NAT10: variants seen among roughly 807,000 people sequenced by gnomAD.
The protein encoded by NAT10 is RNA cytidine acetyltransferase.
NAT10 carries 109 observed loss-of-function variants against 132.2 expected under a neutral mutation model. That is an observed-to-expected ratio of 0.82 (90% CI 0.71 to 0.97). The LOEUF (loss-of-function observed/expected upper bound fraction) is 0.97, where lower values mean the gene tolerates loss of function less well. NAT10 is among the 50% of genes least tolerant of loss of function. NAT10 has a pLI of 0.00. For synonymous variants in NAT10, 479 were observed against 478.0 expected (o/e 1.00, Z -0.03); for missense variants, 1,184 against 1,263.4 (o/e 0.94, Z 0.95).
At chr11:34,111,343 G>A (rs374373514) in intron 3 of NAT10, among the ~76,000 whole-genome samples, 4 of 152,202 alleles carry the variant, frequency 2.6e-5, no homozygotes, top group African/African-American at 9.6e-5. Context: ...GAGGCCCACA[G>A]GAGGAAAGGC....
chr11:34,108,932 A>G, intron 3 of NAT10, 99 bp downstream of exon 3: 1 of 995,900 alleles, frequency 1.0e-6, no homozygotes, highest in East Asian at 2.6e-5. Context: ...AAGGGTCTTT[A>G]GTGGAGGTGC....
chr11:34,119,472 G>T (rs1851848398), intron 8 of NAT10, among the ~76,000 whole-genome samples: 1 of 152,204 alleles, frequency 6.6e-6, no homozygotes, highest in Non-Finnish European at 1.5e-5. Flanking sequence ...AGGCTTTTTT[G>T]ATTCACTTCC....
rs1852336604 is a variant in NAT10, at chr11:34,141,743, G to A, written c.2737G>A (p.Ala913Thr). Residue 913 changes from alanine (A) to threonine (T), a missense_variant, in exon 26 of 29, where the codon GCC (alanine) becomes ACC (threonine). Transcript: ENST00000257829. ...GCTATTTAATGAAGTTCAGGAAAAG[G>A]CCATTGAGGAGCAGATGGTGGCAGC... Reference protein sequence around the residue: ...VKLFNEVQEKAIEEQMVAAKD... With the variant: ...VKLFNEVQEKTIEEQMVAAKD... The A allele has an allele frequency of 1.9e-6, 3 of 1,614,090 alleles. No homozygotes were observed. The highest frequency in any genetic ancestry group is 2.5e-6 in the Non-Finnish European group (3 of 1,180,002).
chr11:34,110,358 C>G (rs1172843302), intron 3 of NAT10, among the ~76,000 whole-genome samples: 1 of 151,688 alleles, frequency 6.6e-6, no homozygotes, highest in Non-Finnish European at 1.5e-5. Flanking sequence ...ACTTCCACCT[C>G]CCCGGTATCA....
rs780479513 is a variant in NAT10 at position 34,141,211 on chromosome 11, A to G, written c.2712+3A>G. On this transcript the variant is annotated splice_donor_region_variant and intron_variant, in intron 25 of 28. Transcript: ENST00000257829. The stretch of plus-strand genomic sequence containing the variant: ...GGATCATCCGCAAAGTTGTGAAGGT[A>G]ACCTCAGCCTGAGGGCAGGGGCTTG... The G allele has an allele frequency of 3.7e-6, 6 of 1,613,994 alleles. No individual in the cohort carries two copies. Among genetic ancestry groups the G allele is most frequent in the Non-Finnish European group, 5.1e-6 (6 of 1,179,996 alleles).
chr11:34,136,727 G>A lies in NAT10; in HGVS notation c.2114G>A (p.Arg705His), dbSNP rs145482727. ...LLKLNERPAE[R>H]LDYLGVSYGL... ...AAATTGAATGAGAGGCCTGCCGAAC[G>A]CCTGGATTACCTGGGTGTTTCCTAT... The change falls in exon 20 of 29, where the codon CGC (arginine) becomes CAC (histidine). Residue 705 changes from arginine to histidine, a missense_variant. Transcript: ENST00000257829. 3,099 of 1,614,096 alleles carry A rather than the reference G, an allele frequency of 1.9e-3. 7 individuals are homozygous for A. The highest frequency in any genetic ancestry group is 2.5e-3 in the Non-Finnish European group (2,936 of 1,180,020).
chr11:34,110,214 G>A (rs1244947110), intron 3 of NAT10, among the ~76,000 whole-genome samples: 1 of 152,000 alleles, frequency 6.6e-6, no homozygotes, highest in African/African-American at 2.4e-5. Flanking sequence ...TTCTGTCCTT[G>A]AGCCTCTTCT....
intron 12 of NAT10, among the ~76,000 whole-genome samples, chr11:34,128,276 C>T (rs1322543841): frequency 6.6e-6 from 1 of 151,844 alleles, no homozygotes; most frequent in African/African-American, 2.4e-5. Flanking sequence ...ATTGCTTAAA[C>T]CCAGGAGGTG....
At chr11:34,110,406 G>A (rs1003767854) in intron 3 of NAT10, among the ~76,000 whole-genome samples, 3 of 151,522 alleles carry the variant, frequency 2.0e-5, no homozygotes, top group Non-Finnish European at 4.4e-5. Context: ...TGCCTCCTCC[G>A]TGAAACTTTT....
intron 3 of NAT10, 111 bp from the exon 4 acceptor site, chr11:34,111,941 C>A: frequency 7.7e-7 from 1 of 1,303,856 alleles, no homozygotes; most frequent in Non-Finnish European, 1.1e-6. Context: ...TTCAAGTTCC[C>A]TACTAGCTCT....
At chr11:34,135,363 C>G in intron 19 of NAT10, 72 bp downstream of exon 19, 2 of 1,246,114 alleles carry the variant, frequency 1.6e-6, no homozygotes, top group South Asian at 2.5e-5. Flanking sequence ...TTAGGGGCAT[C>G]AACAAAAACC....
chr11:34,128,302 C>T (rs188050161), intron 12 of NAT10, among the ~76,000 whole-genome samples: 3 of 149,192 alleles, frequency 2.0e-5, no homozygotes, highest in Non-Finnish European at 3.0e-5. Context: ...TGCAGTGAGC[C>T]GAGATTGCAC....
At chr11:34,135,630 C>T (rs1364714587) in intron 19 of NAT10, among the ~76,000 whole-genome samples, 6 of 152,130 alleles carry the variant, frequency 3.9e-5, no homozygotes, top group Admixed American at 2.6e-4. Flanking sequence ...CATCCTACAC[C>T]AGACTAAGGG....
chr11:34,132,141 G>GA lies in NAT10; in HGVS notation c.1538dup (p.Asp513GlufsTer11). The GA allele has an allele frequency of 6.2e-7, 1 of 1,613,898 alleles. No homozygotes were observed. The highest frequency in any genetic ancestry group is 2.2e-5 in the East Asian group (1 of 44,884). On this transcript the variant is annotated frameshift_variant, in exon 15 of 29. Coordinates refer to ENST00000257829, the MANE Select transcript of NAT10 (RefSeq NM_024662.3). LOFTEE classifies it high-confidence loss of function. ...CAGACCCAGGTACTATGTTAATAGA[G>GA]ATACCCTCTTTTGCTACCACAAGGC... is the stretch of plus-strand genomic sequence containing the variant.
chr11:34,142,482 G>A, intron 27 of NAT10, 134 bp downstream of exon 27: 1 of 739,162 alleles, frequency 1.4e-6, no homozygotes, highest in Non-Finnish European at 2.2e-6. Context: ...GATGCTAACA[G>A]TTCTATTTGA....
chr11:34,141,408 TCACACACACA>T lies in NAT10; in HGVS notation c.2712+234_2712+243del, dbSNP rs59489457. On this transcript the variant is annotated intron_variant, in intron 25 of 28. Transcript: ENST00000257829. ...TGTGTTTGCTGCATCTCATCACACATCACACACACACACACACACACACACACACACACAC... is the reference window on the plus strand; with the variant it reads ...TGTGTTTGCTGCATCTCATCACACATCACACACACACACACACACACACAC... 8.1e-3 allele frequency among the ~76,000 whole-genome samples: 1,073 copies of T among 132,946 alleles called. 15 individuals are homozygous for T. The highest frequency in any genetic ancestry group is 0.027 in the Middle Eastern group (7 of 258). 87.2% of individuals were successfully genotyped at this position (132,946 alleles called of 152,430 possible). A position where few individuals can be genotyped will look rare whatever the true frequency, so the allele number is the denominator to read the frequency against.
rs754172923 is a variant in NAT10, at chr11:34,113,761, A to G, written c.418A>G (p.Thr140Ala). 1 of 1,614,084 alleles carries G rather than the reference A, an allele frequency of 6.2e-7. No homozygotes were observed. Among genetic ancestry groups the G allele is most frequent in the Non-Finnish European group, 8.5e-7 (1 of 1,180,010 alleles). The change falls in exon 5 of 29, where the codon ACA (threonine) becomes GCA (alanine). Residue 140 changes from threonine (T) to alanine (A), a missense_variant. Thr to Ala is a moderately conservative substitution (Grantham distance 58). Coordinates refer to ENST00000257829, the MANE Select transcript of NAT10 (RefSeq NM_024662.3). ...TPNLLARTVE[T>A]VEGGGLVVIL... The stretch of plus-strand genomic sequence containing the variant: ...AAACTTGCTGGCCAGGACTGTAGAA[A>G]CAGTGGAAGGTGGTGGGCTAGTGGT...
chr11:34,113,657 A>G (rs943497358), intron 4 of NAT10, 59 bp from the exon 5 acceptor site: 34 of 1,528,548 alleles, frequency 2.2e-5, no homozygotes, highest in Non-Finnish European at 2.9e-5. Context: ...AAAAAAAAAA[A>G]AAAGTCCTTT....
chr11:34,127,555 C>G lies in NAT10; in HGVS notation c.1200C>G (p.Ser400Arg). 1.2e-6 allele frequency: 2 copies of G among 1,613,990 alleles called. No homozygotes were observed. Among genetic ancestry groups the G allele is most frequent in the Non-Finnish European group, 8.5e-7 (1 of 1,179,850 alleles). Reference protein sequence around the residue: ...AAAIPLPLVKSLLGPYLVFMA... With the variant: ...AAAIPLPLVKRLLGPYLVFMA... ...CCATCCCCCTCCCCTTGGTGAAGAGCCTACTTGGCCCCTACCTTGTTTTCA... is the reference window on the plus strand; with the variant it reads ...CCATCCCCCTCCCCTTGGTGAAGAGGCTACTTGGCCCCTACCTTGTTTTCA... The change falls in exon 12 of 29, where the codon AGC (serine) becomes AGG (arginine). Residue 400 changes from serine (S) to arginine (R), a missense_variant. Physicochemically the swap from Ser to Arg is moderately radical, Grantham distance 110. Coordinates refer to ENST00000257829, the MANE Select transcript of NAT10 (RefSeq NM_024662.3).
Sources: gnomAD v4.1 joint callset for allele counts (sites outside exome capture counted in the v4.1 genomes callset) on GRCh38, gnomAD v4.1.1 for gene constraint, MANE v1.5 for transcripts, NCBI Gene and HGNC (gene_info 2026-07-23, HGNC 2026-07-21) for gene names.